PCDHGA7: variants seen among roughly 807,000 people sequenced by gnomAD.
PCDHGA7 encodes the protein protocadherin gamma-A7.
Under a neutral mutation model 58.3 loss-of-function variants are expected in PCDHGA7, and 44 were observed. The ratio of observed to expected loss-of-function variants is 0.75; its 90% confidence interval spans 0.59 to 0.97. The LOEUF is 0.97. Among genes scored for constraint, PCDHGA7 ranks in the 50% least tolerant of loss-of-function variants. PCDHGA7 has a pLI of 0.00. For synonymous variants in PCDHGA7, 516 were observed against 504.2 expected (o/e 1.02, Z -0.31); for missense variants, 1,266 against 1,188.7 (o/e 1.06, Z -0.96).
intron 1 of PCDHGA7, chr5:141,400,586 A>G (rs963844263): frequency 6.2e-7 from 1 of 1,607,730 alleles, no homozygotes; most frequent in Non-Finnish European, 8.5e-7. Context: ...TTTACATGAA[A>G]CTATCGTACA....
chr5:141,435,979 C>T (rs1036607924), intron 1 of PCDHGA7, among the ~76,000 whole-genome samples: 4 of 152,008 alleles, frequency 2.6e-5, no homozygotes, highest in Non-Finnish European at 5.9e-5. Flanking sequence ...TGTGGTTCTA[C>T]TTGTGTGATT....
intron 1 of PCDHGA7, chr5:141,392,917 T>C: frequency 2.5e-6 from 4 of 1,613,922 alleles, no homozygotes; most frequent in Non-Finnish European, 3.4e-6. Context: ...CGCTACTCTG[T>C]GCCAGAAGAG....
Position 141,432,694 on chromosome 5 carries a change from C to A in PCDHGA7, c.2424+47371C>A. 1 of 1,613,936 alleles carries A rather than the reference C, an allele frequency of 6.2e-7. No homozygotes were observed. The highest frequency in any genetic ancestry group is 8.5e-7 in the Non-Finnish European group (1 of 1,179,964). On this transcript the variant is annotated intron_variant, in intron 1 of 3. Transcript: ENST00000518325. This position sits in a 1 kb window ranked among gnomAD's most constrained non-coding sequence, Gnocchi z 6.0. Reference sequence around the variant, plus strand: ...CGCTCAAGCAGAGCCTCGTAGTGGCCGTCCAGGACCACGGCCAGCCCCCTC... The same window carrying A: ...CGCTCAAGCAGAGCCTCGTAGTGGCAGTCCAGGACCACGGCCAGCCCCCTC...
At chr5:141,430,781 C>T (rs559701152) in intron 1 of PCDHGA7, 6 of 1,510,922 alleles carry the variant, frequency 4.0e-6, no homozygotes, top group South Asian at 2.7e-5. Context: ...GCGACTGCAC[C>T]GGGACTACAA....
intron 1 of PCDHGA7, among the ~76,000 whole-genome samples, chr5:141,397,541 C>G (rs1385892486): frequency 6.6e-6 from 1 of 152,014 alleles, no homozygotes; most frequent in Non-Finnish European, 1.5e-5. Context: ...TTTTTGAAAT[C>G]AGTATAGTAT....
intron 2 of PCDHGA7, among the ~76,000 whole-genome samples, chr5:141,501,365 A>G (rs1360125423): frequency 1.3e-5 from 2 of 151,500 alleles, no homozygotes; most frequent in Admixed American, 6.6e-5. Flanking sequence ...AACCATATTC[A>G]TCATCTCTTA....
intron 1 of PCDHGA7, chr5:141,422,160 A>C: frequency 6.4e-7 from 1 of 1,573,304 alleles, no homozygotes; most frequent in South Asian, 1.2e-5. Context: ...TGGATTTTGA[A>C]AAATATAGAT....
rs749095017 is a variant in PCDHGA7, at chr5:141,489,455, G to A, written c.2425-5352G>A. 1 of 1,614,042 alleles carries A rather than the reference G, an allele frequency of 6.2e-7. No homozygotes were observed. ...CTGCAATTGGGCTCTGAGGAGAATGGGCGCTATTTTTCCCTGAGCTTGATG... is the reference window on the plus strand; with the variant it reads ...CTGCAATTGGGCTCTGAGGAGAATGAGCGCTATTTTTCCCTGAGCTTGATG... On this transcript the variant is annotated intron_variant, in intron 1 of 3. Coordinates refer to ENST00000518325, the MANE Select transcript of PCDHGA7 (RefSeq NM_018920.4). This position sits in a 1 kb window ranked among gnomAD's most constrained non-coding sequence, Gnocchi z 4.5.
intron 1 of PCDHGA7, chr5:141,419,135 G>A (rs2096331504): frequency 3.1e-6 from 5 of 1,613,910 alleles, no homozygotes; most frequent in Non-Finnish European, 4.2e-6. Flanking sequence ...CGCAGCCACA[G>A]ACAGGGGCAA....
At chr5:141,420,076 TC>T (rs2096464805) in intron 1 of PCDHGA7, 2 of 1,613,956 alleles carry the variant, frequency 1.2e-6, no homozygotes, top group East Asian at 2.2e-5. Flanking sequence ...GACCTGTGGG[TC>T]CCCCCAACTA....
intron 1 of PCDHGA7, chr5:141,413,033 T>C: frequency 1.3e-6 from 1 of 776,760 alleles, no homozygotes; most frequent in Non-Finnish European, 2.0e-6. Context: ...ACAAACCGGC[T>C]GCTGGGCTGC....
At chr5:141,449,215 T>C (rs2098631967) in intron 1 of PCDHGA7, among the ~76,000 whole-genome samples, 2 of 152,170 alleles carry the variant, frequency 1.3e-5, no homozygotes, top group Non-Finnish European at 2.9e-5. Context: ...ACTTTCTGTT[T>C]TGAAATGATT....
intron 1 of PCDHGA7, among the ~76,000 whole-genome samples, chr5:141,466,921 AG>A (rs2099132133): frequency 6.6e-6 from 1 of 152,204 alleles, no homozygotes; most frequent in African/African-American, 2.4e-5. Context: ...TCCTTGTATT[AG>A]GAATATTAGT....
chr5:141,457,336 C>T (rs1032184011), intron 1 of PCDHGA7, among the ~76,000 whole-genome samples: 6 of 152,158 alleles, frequency 3.9e-5, no homozygotes, highest in Admixed American at 3.3e-4. Context: ...AGGTACCTTA[C>T]TTACTTTCAT....
At chr5:141,401,213 G>T (rs1259778152) in intron 1 of PCDHGA7, among the ~76,000 whole-genome samples, 2 of 152,014 alleles carry the variant, frequency 1.3e-5, no homozygotes, top group African/African-American at 4.8e-5. Flanking sequence ...GTGGTGGCGG[G>T]CGCCTGTAAT....
chr5:141,502,468 C>A (rs1007796183), intron 2 of PCDHGA7, among the ~76,000 whole-genome samples: 6 of 151,190 alleles, frequency 4.0e-5, no homozygotes, highest in Non-Finnish European at 8.8e-5. Flanking sequence ...GGAATACTTC[C>A]CGCAGCATCA....
Position 141,397,997 on chromosome 5 carries a change from C to T in PCDHGA7, c.2424+12674C>T, listed in dbSNP as rs2093595590. ...GCCGGCCTTTACACCGCTTCCTCCTCGGAAAAAGAATCGTTTCCTAAACTG... is the reference window on the plus strand; with the variant it reads ...GCCGGCCTTTACACCGCTTCCTCCTTGGAAAAAGAATCGTTTCCTAAACTG... On this transcript the variant is annotated intron_variant, in intron 1 of 3. Coordinates refer to ENST00000518325, the MANE Select transcript of PCDHGA7 (RefSeq NM_018920.4). The T allele has an allele frequency of 6.6e-6, 9 of 1,372,980 alleles. No individual in the cohort carries two copies. The Admixed American group carries it at 2.4e-4, about 37-fold the overall frequency. The allele number at this position is 1,372,980 out of a possible 1,614,324, so 85.0% of individuals were successfully genotyped here.
At position 141,477,498 on chromosome 5, in the gene PCDHGA7, C is replaced by T. The variant is rs754212608; in HGVS notation, c.2425-17309C>T. ...AACCCTCCACAATCTTCTCAATCTT[C>T]CTACGACGTTTACATTGAAGAAAAC... On this transcript the variant is annotated intron_variant, in intron 1 of 3. Coordinates refer to ENST00000518325, the MANE Select transcript of PCDHGA7 (RefSeq NM_018920.4). The surrounding 1 kb of genome is among the most constrained non-coding windows in gnomAD (Gnocchi z 4.9). 3.7e-6 allele frequency: 6 copies of T among 1,614,038 alleles called. No individual in the cohort carries two copies. The highest frequency in any genetic ancestry group is 5.1e-6 in the Non-Finnish European group (6 of 1,180,038).
rs186292704 is a variant in PCDHGA7 at position 141,490,783 on chromosome 5, C to T, written c.2425-4024C>T. ...TGTGTATGTCAACCCAGAGGATGGA[C>T]GGATCTTTGCCCAGCGTACCTTTGA... On this transcript the variant is annotated intron_variant, in intron 1 of 3. Transcript: ENST00000518325. The surrounding 1 kb of genome is among the most constrained non-coding windows in gnomAD (Gnocchi z 5.4). The T allele has an allele frequency of 8.1e-6, 13 of 1,614,024 alleles. 1 individual carries two copies. Among genetic ancestry groups the T allele is most frequent in the Middle Eastern group, 3.3e-4 (2 of 6,062 alleles).
Sources: gnomAD v4.1 joint callset for allele counts (sites outside exome capture counted in the v4.1 genomes callset) on GRCh38, gnomAD v4.1.1 for gene constraint, Gnocchi (gnomAD v3.1) non-coding constraint, MANE v1.5 for transcripts, NCBI Gene and HGNC (gene_info 2026-07-23, HGNC 2026-07-21) for gene names.